KAT6B: variants seen among roughly 807,000 people sequenced by gnomAD.
KAT6B encodes the protein histone acetyltransferase KAT6B.
A neutral mutation model predicts 187.5 loss-of-function variants in KAT6B; 10 were observed. That is an observed-to-expected ratio of 0.05 (90% CI 0.03 to 0.09). The LOEUF (loss-of-function observed/expected upper bound fraction) is 0.09. KAT6B is among the 10% of genes least tolerant of loss of function. The probability of loss-of-function intolerance (pLI) is 1.00; values close to 1 mark genes in which losing one functional copy is unlikely to be tolerated. For synonymous variants in KAT6B, 861 were observed against 926.8 expected, an observed-to-expected ratio of 0.93 and a Z score of 1.29; for missense variants, 1,952 against 2,558.9, an observed-to-expected ratio of 0.76 and a Z score of 5.12.
chr10:75,025,781 T>G (rs1431542909), intron 17 of KAT6B: 3 of 160,660 alleles, frequency 1.9e-5, no homozygotes, highest in Non-Finnish European at 4.1e-5. Context: ...TCCCAGCACT[T>G]TGGGAGGCTG....
At chr10:74,929,616 A>T (rs1335166675) in intron 3 of KAT6B, among the ~76,000 whole-genome samples, 1 of 152,242 alleles carries the variant, frequency 6.6e-6, no homozygotes. Flanking sequence ...GTTTGCAATT[A>T]TGATTAATAA....
chr10:74,850,620 A>G (rs1296070448), intron 3 of KAT6B, among the ~76,000 whole-genome samples: 1 of 152,240 alleles, frequency 6.6e-6, no homozygotes, highest in East Asian at 1.9e-4. Flanking sequence ...CACTGAAGAT[A>G]AAACTTTATC....
intron 3 of KAT6B, among the ~76,000 whole-genome samples, chr10:74,933,100 A>G (rs1564572073): frequency 1.3e-5 from 2 of 152,186 alleles, no homozygotes; most frequent in Admixed American, 1.3e-4. Context: ...GAGTGGAGAG[A>G]GCCAGATTCC....
intron 3 of KAT6B, among the ~76,000 whole-genome samples, chr10:74,887,840 CAA>C: frequency 7.1e-6 from 1 of 141,390 alleles, no homozygotes; most frequent in Admixed American, 7.0e-5. Flanking sequence ...GACCCCACCT[CAA>C]AAAAAAAAAA....
At chr10:74,995,361 A>C (rs1429340225) in intron 13 of KAT6B, among the ~76,000 whole-genome samples, 1 of 152,134 alleles carries the variant, frequency 6.6e-6, no homozygotes. Context: ...TTTATTTTAT[A>C]CTTGTTACCT....
rs571460112 is a variant in KAT6B, at chr10:74,895,620, A to G, written c.621+52142A>G. Among the ~76,000 whole-genome samples, 24 of 151,698 alleles carry G rather than the reference A, an allele frequency of 1.6e-4. No individual in the cohort carries two copies. The South Asian group carries it at 4.8e-3, about 30-fold the overall frequency. On this transcript the variant is annotated intron_variant, in intron 3 of 17. Transcript: ENST00000287239. The stretch of plus-strand genomic sequence containing the variant: ...AGTGGTGCAATCTCAGCTCACTACA[A>G]CCTTCACTTCCCGGGTTCAAGCGAT...
chr10:74,877,164 C>A lies in KAT6B; in HGVS notation c.621+33686C>A, dbSNP rs9787445. On this transcript the variant is annotated intron_variant, in intron 3 of 17. Transcript: ENST00000287239. ...TATTTTTAGTGGAGACAGGGTTTCA[C>A]CATGTTGGCCAGGCTGGTGTCAAAC... 1.2e-4 allele frequency among the ~76,000 whole-genome samples: 19 copies of A among 152,136 alleles called. No homozygotes were observed. In the East Asian group the frequency reaches 3.1e-3, roughly 25 times the overall value.
At chr10:74,932,277 A>G (rs1006850399) in intron 3 of KAT6B, among the ~76,000 whole-genome samples, 5 of 152,188 alleles carry the variant, frequency 3.3e-5, no homozygotes, top group African/African-American at 7.2e-5. Context: ...AGCACTTTAT[A>G]TATGTCACCT....
At chr10:74,966,525 T>G (rs1008700213) in intron 4 of KAT6B, among the ~76,000 whole-genome samples, 4 of 152,260 alleles carry the variant, frequency 2.6e-5, no homozygotes, top group Admixed American at 2.0e-4. Flanking sequence ...CCATTGGTAC[T>G]TGTTTAATTT....
At chr10:74,911,647 GTCTT>G (rs1847210846) in intron 3 of KAT6B, among the ~76,000 whole-genome samples, 1 of 151,812 alleles carries the variant, frequency 6.6e-6, no homozygotes, top group Non-Finnish European at 1.5e-5. Context: ...TGCCTCCCCT[GTCTT>G]TCTTCTCATC....
intron 13 of KAT6B, among the ~76,000 whole-genome samples, chr10:75,017,200 A>G (rs889427223): frequency 6.6e-6 from 1 of 152,164 alleles, no homozygotes; most frequent in Non-Finnish European, 1.5e-5. Flanking sequence ...TCTTAGATCA[A>G]TTATTTGGAA....
intron 3 of KAT6B, among the ~76,000 whole-genome samples, chr10:74,882,415 G>C (rs945126191): frequency 2.6e-5 from 4 of 152,016 alleles, no homozygotes; most frequent in Non-Finnish European, 4.4e-5. Context: ...CTCACCTCTG[G>C]TAATTAAACT....
At chr10:74,860,824 C>T (rs1383907771) in intron 3 of KAT6B, among the ~76,000 whole-genome samples, 1 of 152,032 alleles carries the variant, frequency 6.6e-6, no homozygotes, top group African/African-American at 2.4e-5. Context: ...ATGACAAAAC[C>T]CCATCTGTAC....
chr10:74,994,402 G>A lies in KAT6B; in HGVS notation c.2629+5290G>A, dbSNP rs191947908. On this transcript the variant is annotated intron_variant, in intron 13 of 17. Coordinates refer to ENST00000287239, the MANE Select transcript of KAT6B (RefSeq NM_012330.4). The stretch of plus-strand genomic sequence containing the variant: ...TTTCTGCCACAGCATGATGTTCCAG[G>A]TTTAGCTTATCCTTTTCTTAAGCCA... Among the ~76,000 whole-genome samples, 67 of 152,200 alleles carry A rather than the reference G, an allele frequency of 4.4e-4. 1 individual carries two copies. In the South Asian group the frequency reaches 8.9e-3, roughly 20 times the overall value.
intron 13 of KAT6B, among the ~76,000 whole-genome samples, chr10:74,998,687 G>A (rs1488665998): frequency 6.6e-6 from 1 of 152,202 alleles, no homozygotes; most frequent in South Asian, 2.1e-4. Flanking sequence ...GGGAGACTGA[G>A]GCAGGAGGAT....
chr10:74,945,920 A>T (rs1055613268), intron 3 of KAT6B, among the ~76,000 whole-genome samples: 1 of 152,204 alleles, frequency 6.6e-6, no homozygotes, highest in Non-Finnish European at 1.5e-5. Flanking sequence ...TAATGTCTTC[A>T]TCTGATTTTG....
intron 13 of KAT6B, among the ~76,000 whole-genome samples, chr10:75,013,551 CTGT>C (rs1464190090): frequency 6.6e-6 from 1 of 152,184 alleles, no homozygotes; most frequent in Non-Finnish European, 1.5e-5. Context: ...CAGTCTGTCT[CTGT>C]TGTTTCCCTT....
At chr10:74,954,463 A>C (rs1380100639) in intron 3 of KAT6B, among the ~76,000 whole-genome samples, 1 of 152,194 alleles carries the variant, frequency 6.6e-6, no homozygotes, top group African/African-American at 2.4e-5. Context: ...AAAAAATAAA[A>C]ACTAAGCAAA....
intron 13 of KAT6B, among the ~76,000 whole-genome samples, chr10:74,990,196 C>CAAAAAAAAAAA (rs56300641): frequency 5.1e-5 from 2 of 39,418 alleles, no homozygotes; most frequent in Non-Finnish European, 6.5e-5. Flanking sequence ...GACTCTGTCT[C>CAAAAAAAAAAA]AAAAAAAAAA....
Sources: allele counts gnomAD v4.1 joint callset (sites outside exome capture counted in the v4.1 genomes callset), GRCh38; gene constraint gnomAD v4.1.1; transcripts MANE v1.5; gene names NCBI Gene and HGNC (gene_info 2026-07-23, HGNC 2026-07-21).